Variants in DCDC1 observed in about 807,000 individuals in gnomAD.
DCDC1 encodes the protein doublecortin domain containing 1.
A neutral mutation model predicts 178.3 loss-of-function variants in DCDC1; 200 were observed. That is an observed-to-expected ratio of 1.12 (90% CI 1.00 to 1.26). The LOEUF (loss-of-function observed/expected upper bound fraction) is 1.26, where lower values mean the gene tolerates loss of function less well. DCDC1 is among the 50% of genes most tolerant of loss of function. DCDC1 has a pLI of 0.00. For missense variants in DCDC1, 1,983 were observed against 1,749.2 expected, an observed-to-expected ratio of 1.13 and a Z score of -2.38; for synonymous variants, 690 against 604.8, an observed-to-expected ratio of 1.14 and a Z score of -2.07.
intron 20 of DCDC1, among the ~76,000 whole-genome samples, chr11:31,053,474 T>G (rs1955394750): frequency 6.6e-6 from 1 of 152,068 alleles, no homozygotes; most frequent in Admixed American, 6.6e-5. Flanking sequence ...CCTTAATTCA[T>G]TCTATGAAGC....
At chr11:31,340,340 G>A (rs1277475498) in intron 1 of DCDC1, among the ~76,000 whole-genome samples, 1 of 152,174 alleles carries the variant, frequency 6.6e-6, no homozygotes, top group South Asian at 2.1e-4. Context: ...TTCTGAGAGA[G>A]AGGAGGAGAG....
chr11:31,361,171 A>G (rs771373809), intron 1 of DCDC1, among the ~76,000 whole-genome samples: 1 of 152,242 alleles, frequency 6.6e-6, no homozygotes, highest in Non-Finnish European at 1.5e-5. Context: ...CATACAATTG[A>G]ATATAAAATA....
At chr11:30,971,670 C>T (rs1017997501) in intron 20 of DCDC1, among the ~76,000 whole-genome samples, 7 of 131,846 alleles carry the variant, frequency 5.3e-5, no homozygotes, top group South Asian at 2.4e-4. Flanking sequence ...AGTGCAGTGG[C>T]GCGATCTTGG....
chr11:31,347,019 T>C (rs1434118535), intron 1 of DCDC1, among the ~76,000 whole-genome samples: 4 of 152,210 alleles, frequency 2.6e-5, no homozygotes, highest in Admixed American at 6.5e-5. Context: ...AAATGTTAAG[T>C]GTCAACTTAA....
intron 20 of DCDC1, among the ~76,000 whole-genome samples, chr11:31,037,849 T>C (rs1239704301): frequency 6.6e-6 from 1 of 152,046 alleles, no homozygotes; most frequent in Non-Finnish European, 1.5e-5. Flanking sequence ...TCATCATGGT[T>C]TTAAAGGAGA....
intron 7 of DCDC1, chr11:31,280,660 G>T: frequency 2.0e-6 from 1 of 503,372 alleles, no homozygotes; most frequent in Non-Finnish European, 3.8e-6. Context: ...TAAGGCAGTG[G>T]CAAATTATTA....
intron 11 of DCDC1, among the ~76,000 whole-genome samples, chr11:31,114,345 G>C (rs1046012835): frequency 6.6e-6 from 1 of 152,156 alleles, no homozygotes; most frequent in South Asian, 2.1e-4. Flanking sequence ...ATTATGCAGG[G>C]AAGGGGCCCT....
chr11:31,045,667 C>A (rs1442072495), intron 20 of DCDC1, among the ~76,000 whole-genome samples: 1 of 152,072 alleles, frequency 6.6e-6, no homozygotes, highest in African/African-American at 2.4e-5. Context: ...GATAACTGTT[C>A]CTAGTTTTTT....
intron 10 of DCDC1, among the ~76,000 whole-genome samples, chr11:31,133,726 C>G (rs1962754727): frequency 6.6e-6 from 1 of 151,926 alleles, no homozygotes; most frequent in African/African-American, 2.4e-5. Context: ...TTTTTTGACC[C>G]AGAGTCTCAC....
chr11:31,261,386 T>C (rs1320803929), intron 8 of DCDC1, among the ~76,000 whole-genome samples: 1 of 152,190 alleles, frequency 6.6e-6, no homozygotes, highest in Non-Finnish European at 1.5e-5. Context: ...GGGCGTGATT[T>C]TGCACAATGT....
chr11:31,120,643 T>C (rs1218424722), intron 11 of DCDC1, among the ~76,000 whole-genome samples: 3 of 152,068 alleles, frequency 2.0e-5, no homozygotes, highest in Non-Finnish European at 4.4e-5. Flanking sequence ...AGAAAACAAC[T>C]CTCAGAGCAT....
chr11:31,281,173 T>C (rs1436934576), intron 7 of DCDC1, among the ~76,000 whole-genome samples: 1 of 152,172 alleles, frequency 6.6e-6, no homozygotes, highest in African/African-American at 2.4e-5. Flanking sequence ...GTATTTGATG[T>C]TCTTATCACA....
At chr11:31,286,366 A>G (rs1456505140) in intron 7 of DCDC1, among the ~76,000 whole-genome samples, 1 of 152,090 alleles carries the variant, frequency 6.6e-6, no homozygotes, top group Non-Finnish European at 1.5e-5. Context: ...AGTTAACATT[A>G]TATTATTCAT....
intron 8 of DCDC1, among the ~76,000 whole-genome samples, chr11:31,259,968 T>A (rs1944672917): frequency 6.6e-6 from 1 of 152,180 alleles, no homozygotes; most frequent in Non-Finnish European, 1.5e-5. Flanking sequence ...GCTACTGTTG[T>A]GAATGTGCTG....
At chr11:31,332,298 CT>C (rs1283363993) in intron 2 of DCDC1, among the ~76,000 whole-genome samples, 3 of 152,090 alleles carry the variant, frequency 2.0e-5, no homozygotes, top group Non-Finnish European at 2.9e-5. Flanking sequence ...TGCTAGCGGT[CT>C]ATCAATTTTG....
At chr11:31,154,219 A>G (rs544028212) in intron 9 of DCDC1, among the ~76,000 whole-genome samples, 11 of 152,304 alleles carry the variant, frequency 7.2e-5, no homozygotes, top group Admixed American at 4.6e-4. Context: ...TCTACAGCCT[A>G]TGGAACTGTG....
At chr11:31,119,151 T>C (rs1380234374) in intron 11 of DCDC1, among the ~76,000 whole-genome samples, 1 of 152,174 alleles carries the variant, frequency 6.6e-6, no homozygotes, top group Non-Finnish European at 1.5e-5. Flanking sequence ...ACATGAGATG[T>C]GTAAAGGCTT....
chr11:30,984,963 C>G (rs931326850), intron 20 of DCDC1, among the ~76,000 whole-genome samples: 1 of 152,244 alleles, frequency 6.6e-6, no homozygotes, highest in East Asian at 1.9e-4. Flanking sequence ...TGGTGAGTTC[C>G]CAGGGTCTCA....
chr11:30,931,796 C>A lies in DCDC1; in HGVS notation c.2872G>T (p.Asp958Tyr), dbSNP rs2134316882. 1 of 1,612,146 alleles carries A rather than the reference C, an allele frequency of 6.2e-7. No individual in the cohort carries two copies. The highest frequency in any genetic ancestry group is 2.2e-5 in the East Asian group (1 of 44,808). ...TGCGTTTTCCGTCCAGGTGAGATAT[C>A]TGGACCAAGGATAGTAACGGATCTG... The part of the protein sequence containing the change: ...KNRSVTILGP[D>Y]ISPGRKTQCT... The change falls in exon 22 of 39, where the codon GAT becomes TAT. Residue 958 changes from aspartate to tyrosine, a missense_variant. Physicochemically the swap from Asp to Tyr is radical, Grantham distance 160. Transcript: ENST00000684477.
Sources: gnomAD v4.1 joint callset for allele counts (sites outside exome capture counted in the v4.1 genomes callset) on GRCh38, gnomAD v4.1.1 for gene constraint, MANE v1.5 for transcripts, NCBI Gene and HGNC (gene_info 2026-07-23, HGNC 2026-07-21) for gene names.